FLT1: variants seen among roughly 807,000 people sequenced by gnomAD.
FLT1 encodes vascular endothelial growth factor receptor 1.
A neutral mutation model predicts 156.3 loss-of-function variants in FLT1; 49 were observed. The ratio of observed to expected loss-of-function variants is 0.31; its 90% confidence interval spans 0.25 to 0.40. FLT1 has a LOEUF of 0.40. Among genes scored for constraint, FLT1 ranks in the 10% least tolerant of loss-of-function variants. The probability of loss-of-function intolerance (pLI) is 1.00; values close to 1 mark genes in which losing one functional copy is unlikely to be tolerated. For synonymous variants in FLT1, 594 were observed against 583.8 expected (o/e 1.02, Z -0.25); for missense variants, 1,322 against 1,637.2 (o/e 0.81, Z 3.32).
chr13:28,405,986 A>C, intron 10 of FLT1, 92 bp from the exon 11 acceptor site: 1 of 747,660 alleles, frequency 1.3e-6, no homozygotes, highest in East Asian at 2.5e-5. Context: ...AAGTCCTCAG[A>C]TAACAAAGTC....
intron 11 of FLT1, among the ~76,000 whole-genome samples, chr13:28,397,983 CT>C (rs2137475476): frequency 6.6e-6 from 1 of 152,026 alleles, no homozygotes; most frequent in South Asian, 2.1e-4. Flanking sequence ...ATTCTGATGT[CT>C]AAAAAGTAAT....
At chr13:28,311,482 C>G in intron 27 of FLT1, 108 bp downstream of exon 27, 1 of 964,636 alleles carries the variant, frequency 1.0e-6, no homozygotes, top group Non-Finnish European at 1.6e-6. Flanking sequence ...CTCTTTCTTT[C>G]TTTCTCTCTT....
chr13:28,405,390 T>C (rs1875723049), intron 11 of FLT1, among the ~76,000 whole-genome samples: 1 of 152,196 alleles, frequency 6.6e-6, no homozygotes, highest in Non-Finnish European at 1.5e-5. Flanking sequence ...TTTATGTACA[T>C]CAGTGATTCT....
chr13:28,412,334 C>CTTTCTTTCTTTCTTTCTTTCTTTCTTTCT lies in FLT1; in HGVS notation c.1437-6441_1437-6440insAGAAAGAAAGAAAGAAAGAAAGAAAGAAA, dbSNP rs1566012842. Among the ~76,000 whole-genome samples, 16 of 59,208 alleles carry CTTTCTTTCTTTCTTTCTTTCTTTCTTTCT rather than the reference C, an allele frequency of 2.7e-4. 2 individuals are homozygous for CTTTCTTTCTTTCTTTCTTTCTTTCTTTCT. Among genetic ancestry groups the CTTTCTTTCTTTCTTTCTTTCTTTCTTTCT allele is most frequent in the East Asian group, 2.1e-3 (4 of 1,926 alleles). The allele number at this position is 59,208 out of a possible 152,430, so 38.8% of individuals were successfully genotyped here. On this transcript the variant is annotated intron_variant, in intron 10 of 29. Transcript: ENST00000282397. ...CTTTCTTTCTTTCTTTCTTTCTTTT[C>CTTTCTTTCTTTCTTTCTTTCTTTCTTTCT]TTTCTTTCTTTCTTTCTCTTTCTTT...
At chr13:28,492,493 G>A (rs949676183) in intron 1 of FLT1, among the ~76,000 whole-genome samples, 3 of 152,174 alleles carry the variant, frequency 2.0e-5, no homozygotes, top group Non-Finnish European at 4.4e-5. Context: ...GTAAATAAGC[G>A]CTTTAGAGGG....
At chr13:28,396,866 A>T (rs983702879) in intron 12 of FLT1, 94 bp downstream of exon 12, 35 of 790,870 alleles carry the variant, frequency 4.4e-5, no homozygotes, top group Non-Finnish European at 7.2e-5. Context: ...AATTAAAAAA[A>T]AATCACTCAA....
At chr13:28,450,637 T>C (rs561230241) in intron 3 of FLT1, among the ~76,000 whole-genome samples, 1 of 152,330 alleles carries the variant, frequency 6.6e-6, no homozygotes, top group Non-Finnish European at 1.5e-5. Flanking sequence ...TTTCTTCTAC[T>C]GCTAAGATTT....
chr13:28,465,491 T>C (rs1879798414), intron 3 of FLT1, among the ~76,000 whole-genome samples: 1 of 152,138 alleles, frequency 6.6e-6, no homozygotes. Flanking sequence ...TGAATTTGGA[T>C]ATGTACATGT....
At chr13:28,460,607 C>T (rs539699802) in intron 3 of FLT1, among the ~76,000 whole-genome samples, 2 of 152,130 alleles carry the variant, frequency 1.3e-5, no homozygotes, top group South Asian at 4.2e-4. Flanking sequence ...GGCTTCTTTC[C>T]ACTGCCACAT....
chr13:28,358,237 G>A (rs1872976115), intron 14 of FLT1, among the ~76,000 whole-genome samples: 1 of 152,158 alleles, frequency 6.6e-6, no homozygotes, highest in South Asian at 2.1e-4. Flanking sequence ...TGACATATGG[G>A]TCAAAGGAAC....
chr13:28,453,111 CCTTTCCTTTCCTTTCCTT>C (rs1879069648), intron 3 of FLT1, among the ~76,000 whole-genome samples: 1 of 81,416 alleles, frequency 1.2e-5, no homozygotes, highest in South Asian at 5.3e-4. Flanking sequence ...CCTTTCCTTT[CCTTTCCTTTCCTTTCCTT>C]TCCTTTCCTT....
intron 20 of FLT1, among the ~76,000 whole-genome samples, chr13:28,324,401 TG>T (rs1871594504): frequency 6.6e-6 from 1 of 151,946 alleles, no homozygotes; most frequent in African/African-American, 2.4e-5. Flanking sequence ...GAGGGCACAG[TG>T]GGAGCAAGCA....
intron 29 of FLT1, among the ~76,000 whole-genome samples, chr13:28,304,483 T>C (rs1300975050): frequency 6.6e-6 from 1 of 152,106 alleles, no homozygotes; most frequent in Non-Finnish European, 1.5e-5. Context: ...TCAAAAACTA[T>C]AACCCATATC....
intron 1 of FLT1, among the ~76,000 whole-genome samples, chr13:28,484,895 C>T (rs372680315): frequency 6.0e-5 from 8 of 132,652 alleles, no homozygotes; most frequent in East Asian, 2.2e-4. Context: ...CCGTACCTCT[C>T]GGGACTGAGT....
At chr13:28,327,311 GA>G in intron 20 of FLT1, 150 bp downstream of exon 20, 1 of 647,576 alleles carries the variant, frequency 1.5e-6, no homozygotes, top group Non-Finnish European at 2.8e-6. Context: ...ATTATCAGGG[GA>G]AAAAACATGA....
intron 3 of FLT1, among the ~76,000 whole-genome samples, chr13:28,462,581 A>G (rs558298435): frequency 6.6e-6 from 1 of 152,342 alleles, no homozygotes; most frequent in African/African-American, 2.4e-5. Flanking sequence ...ATTTTCCACT[A>G]TTATGATTCA....
chr13:28,427,122 G>C (rs201389858), intron 10 of FLT1, 37 bp downstream of exon 10: 9 of 1,585,066 alleles, frequency 5.7e-6, no homozygotes, highest in Non-Finnish European at 7.8e-6. Context: ...GTGTCAAAAA[G>C]TATTTGAAAG....
At chr13:28,419,050 G>A (rs541931197) in intron 10 of FLT1, among the ~76,000 whole-genome samples, 141 of 152,302 alleles carry the variant, frequency 9.3e-4, no homozygotes, top group Middle Eastern at 3.4e-3. Context: ...TATTGATTAA[G>A]TCTATCACAG....
Position 28,427,293 on chromosome 13 carries a change from G to T in FLT1, c.1302C>A (p.Ala434=). ...VNVKPQIYEK[A]VSSFPDPALY... ...GAGCCGGGTCTGGAAACGATGACAC[G>T]GCCTTTTCGTAAATCTGGGGTTTCA... is the stretch of plus-strand genomic sequence containing the variant. Residue 434 remains alanine, a synonymous_variant, in exon 10 of 30, where the codon GCC becomes GCA. Transcript: ENST00000282397. 1 of 1,613,942 alleles carries T rather than the reference G, an allele frequency of 6.2e-7. No homozygotes were observed. The highest frequency in any genetic ancestry group is 8.5e-7 in the Non-Finnish European group (1 of 1,179,910).
Sources: allele counts gnomAD v4.1 joint callset (sites outside exome capture counted in the v4.1 genomes callset), GRCh38; gene constraint gnomAD v4.1.1; transcripts MANE v1.5; gene names NCBI Gene and HGNC (gene_info 2026-07-23, HGNC 2026-07-21).